Variants in PDE7B observed in about 807,000 individuals in gnomAD.
The protein encoded by PDE7B is phosphodiesterase 7B.
In PDE7B, 29 loss-of-function variants were observed where a neutral mutation model predicts 56.2. That is an observed-to-expected ratio of 0.52 (90% CI 0.38 to 0.70). The LOEUF (loss-of-function observed/expected upper bound fraction) is 0.70, where lower values mean the gene tolerates loss of function less well. Among genes scored for constraint, PDE7B ranks in the 30% least tolerant of loss-of-function variants. The pLI, the probability that PDE7B is intolerant of heterozygous loss-of-function variation, is 0.00. For synonymous variants in PDE7B, 197 were observed against 196.9 expected (o/e 1.00, Z 0.00); for missense variants, 490 against 565.0 (o/e 0.87, Z 1.35).
At chr6:136,124,215 G>A (rs1224661252) in intron 3 of PDE7B, among the ~76,000 whole-genome samples, 1 of 151,862 alleles carries the variant, frequency 6.6e-6, no homozygotes, top group East Asian at 1.9e-4. Flanking sequence ...TGAATTCAGG[G>A]CAATTTAAAT....
intron 2 of PDE7B, among the ~76,000 whole-genome samples, chr6:136,102,539 C>T (rs1777581282): frequency 6.6e-6 from 1 of 152,148 alleles, no homozygotes; most frequent in African/African-American, 2.4e-5. Context: ...TTCATAGTCC[C>T]CAAGTTGACT....
chr6:135,904,668 G>T (rs372904105), intron 1 of PDE7B, among the ~76,000 whole-genome samples: 1 of 152,142 alleles, frequency 6.6e-6, no homozygotes, highest in Admixed American at 6.5e-5. Flanking sequence ...GACATGTGTA[G>T]GGACATAGTC....
chr6:136,151,385 A>C, intron 6 of PDE7B, 130 bp downstream of exon 6: 1 of 553,910 alleles, frequency 1.8e-6, no homozygotes, highest in South Asian at 2.8e-5. Context: ...AAATGGTCTC[A>C]TCTTACTTTT....
chr6:136,040,400 G>A (rs979797359), intron 2 of PDE7B, among the ~76,000 whole-genome samples: 1 of 152,150 alleles, frequency 6.6e-6, no homozygotes, highest in Non-Finnish European at 1.5e-5. Context: ...GTCATAGGAT[G>A]CAACCCCAAA....
chr6:136,018,252 G>A (rs139062095), intron 2 of PDE7B, among the ~76,000 whole-genome samples: 128 of 152,282 alleles, frequency 8.4e-4, no homozygotes, highest in South Asian at 2.3e-3. Context: ...TCCAAAATCA[G>A]TCAGAGAGAT....
At chr6:136,130,706 C>T (rs556447933) in intron 3 of PDE7B, among the ~76,000 whole-genome samples, 4 of 152,048 alleles carry the variant, frequency 2.6e-5, no homozygotes, top group Non-Finnish European at 4.4e-5. Flanking sequence ...TGTATGAGTC[C>T]GTTTTCATGC....
chr6:135,920,761 G>A (rs1774060307), intron 1 of PDE7B, among the ~76,000 whole-genome samples: 1 of 152,162 alleles, frequency 6.6e-6, no homozygotes, highest in South Asian at 2.1e-4. Context: ...TAAGAGCTAA[G>A]CACAACCTAA....
chr6:135,943,040 G>A (rs551096947), intron 1 of PDE7B, among the ~76,000 whole-genome samples: 49 of 152,182 alleles, frequency 3.2e-4, no homozygotes, highest in African/African-American at 1.2e-3. Flanking sequence ...TAATAAATTA[G>A]CAACCAACTT....
In PDE7B at chr6:135,934,945, T is replaced by A. The variant is rs1271573746; in HGVS notation, c.22-12519T>A. 4.1e-3 allele frequency among the ~76,000 whole-genome samples: 197 copies of A among 48,316 alleles called. 4 individuals are homozygous for A. The highest frequency in any genetic ancestry group is 5.4e-3 in the East Asian group (7 of 1,286). The allele number at this position is 48,316 out of a possible 152,430, so 31.7% of individuals were successfully genotyped here. A position where few individuals can be genotyped will look rare whatever the true frequency, so the allele number is the denominator to read the frequency against. ...TAAATATATATTTAAATATATAATATATATTTATATATAATATATATATTT... is the reference window on the plus strand; with the variant it reads ...TAAATATATATTTAAATATATAATAAATATTTATATATAATATATATATTT... On this transcript the variant is annotated intron_variant, in intron 1 of 12. Coordinates refer to ENST00000308191, the MANE Select transcript of PDE7B (RefSeq NM_018945.4).
Position 135,918,041 on chromosome 6 carries a change from AT to A in PDE7B, c.22-29422del, listed in dbSNP as rs1439588028. ...TCCCTGGACATGAACGAGGAGGTTA[AT>A]ATTTGTCCAAGTCTTAAAAGAACCT... On this transcript the variant is annotated intron_variant, in intron 1 of 12. Coordinates refer to ENST00000308191, the MANE Select transcript of PDE7B (RefSeq NM_018945.4). 2.0e-5 allele frequency among the ~76,000 whole-genome samples: 3 copies of A among 152,112 alleles called. No individual in the cohort carries two copies. In the East Asian group the frequency reaches 5.8e-4, roughly 29 times the overall value.
chr6:136,183,195 T>C (rs1013622176), intron 11 of PDE7B, among the ~76,000 whole-genome samples: 7 of 152,084 alleles, frequency 4.6e-5, no homozygotes, highest in African/African-American at 1.7e-4. Flanking sequence ...CAGGCTTCCA[T>C]GTACCTTCCT....
intron 1 of PDE7B, among the ~76,000 whole-genome samples, chr6:135,927,006 A>C (rs1016814673): frequency 6.6e-6 from 1 of 152,156 alleles, no homozygotes; most frequent in African/African-American, 2.4e-5. Flanking sequence ...CATAATTCTA[A>C]TTGTTTCTTC....
At chr6:136,100,272 C>A (rs1174386188) in intron 2 of PDE7B, among the ~76,000 whole-genome samples, 2 of 152,126 alleles carry the variant, frequency 1.3e-5, no homozygotes, top group Non-Finnish European at 2.9e-5. Context: ...TTGTTGGTTC[C>A]ATATGAAATT....
intron 2 of PDE7B, among the ~76,000 whole-genome samples, chr6:136,085,027 G>T (rs958354504): frequency 6.6e-6 from 1 of 152,160 alleles, no homozygotes; most frequent in South Asian, 2.1e-4. Flanking sequence ...GGCCCCTGGG[G>T]CATCTGCCAC....
Position 136,182,167 on chromosome 6 carries a change from G to C in PDE7B, c.1045+844G>C, listed in dbSNP as rs139701990. Among the ~76,000 whole-genome samples, 6 of 152,316 alleles carry C rather than the reference G, an allele frequency of 3.9e-5. No homozygotes were observed. In the East Asian group the frequency reaches 1.2e-3, roughly 29 times the overall value. On this transcript the variant is annotated intron_variant, in intron 11 of 12. Transcript: ENST00000308191. ...CCTTTTGGAGAAGGCACCATTGAAA[G>C]ATGTGTCAATGACATCGTGATGGCC...
chr6:135,852,024 G>A lies in PDE7B; in HGVS notation c.21+5G>A. ...ATGTCTTGTTTAATGGTTGAGGTAT[G>A]TACAACAAATTTAAGCGGCAAGCTC... is the stretch of plus-strand genomic sequence containing the variant. On this transcript the variant is annotated splice_donor_5th_base_variant and intron_variant, in intron 1 of 12. Coordinates refer to ENST00000308191, the MANE Select transcript of PDE7B (RefSeq NM_018945.4). 1 of 1,603,544 alleles carries A rather than the reference G, an allele frequency of 6.2e-7. No homozygotes were observed. The highest frequency in any genetic ancestry group is 1.7e-5 in the Admixed American group (1 of 59,998).
intron 3 of PDE7B, among the ~76,000 whole-genome samples, chr6:136,128,821 G>T (rs971855789): frequency 6.6e-6 from 1 of 152,132 alleles, no homozygotes; most frequent in East Asian, 1.9e-4. Flanking sequence ...ATGGGGAAAA[G>T]ACTAGGAAGA....
Position 135,900,491 on chromosome 6 carries a change from T to C in PDE7B, c.22-46973T>C, listed in dbSNP as rs147683824. Among the ~76,000 whole-genome samples, 614 of 152,302 alleles carry C rather than the reference T, an allele frequency of 4.0e-3. 8 individuals carry two copies. Among genetic ancestry groups the C allele is most frequent in the South Asian group, 0.019 (90 of 4,822 alleles). ...TTCTGACCTTCATTATTTCCAATGATAATTCAGATAAGTCTATTGCACTTA... is the reference window on the plus strand; with the variant it reads ...TTCTGACCTTCATTATTTCCAATGACAATTCAGATAAGTCTATTGCACTTA... On this transcript the variant is annotated intron_variant, in intron 1 of 12. Transcript: ENST00000308191.
rs1304165509 is a variant in PDE7B at position 136,005,660 on chromosome 6, G to A, written c.82+58136G>A. 2.9e-4 allele frequency among the ~76,000 whole-genome samples: 44 copies of A among 152,178 alleles called. 1 individual carries two copies. Among genetic ancestry groups the A allele is most frequent in the East Asian group, 9.7e-4 (5 of 5,174 alleles). ...CAAATCAAAACCACAATGAGATACT[G>A]TCTCACACCAGTTAGAATGGCAATC... On this transcript the variant is annotated intron_variant, in intron 2 of 12. Coordinates refer to ENST00000308191, the MANE Select transcript of PDE7B (RefSeq NM_018945.4).
Sources: gnomAD v4.1 joint callset for allele counts (sites outside exome capture counted in the v4.1 genomes callset) on GRCh38, gnomAD v4.1.1 for gene constraint, MANE v1.5 for transcripts, NCBI Gene and HGNC (gene_info 2026-07-23, HGNC 2026-07-21) for gene names.